USH2A: variants seen among roughly 807,000 people sequenced by gnomAD.
USH2A encodes the protein Usher syndrome 2A (autosomal recessive, mild).
A neutral mutation model predicts 538.9 loss-of-function variants in USH2A; 443 were observed. That is an observed-to-expected ratio of 0.82 (90% CI 0.76 to 0.89). USH2A has a LOEUF of 0.89. USH2A is among the 40% of genes least tolerant of loss of function. The pLI is 0.00. For missense variants in USH2A, 6,633 were observed against 6,324.8 expected (o/e 1.05, Z -1.65); for synonymous variants, 2,413 against 2,273.5 (o/e 1.06, Z -1.75).
rs1031475104 is a variant in USH2A, at chr1:216,263,598, T to C, written c.1972-12500A>G. ...CTTTATGCTAAAAACTGTCAGCAAA[T>C]TAGTATGGAAGAAATGTACCTCAAT... On this transcript the variant is annotated intron_variant, in intron 11 of 71. Transcript: ENST00000307340. 2.0e-5 allele frequency among the ~76,000 whole-genome samples: 3 copies of C among 152,040 alleles called. No homozygotes were observed. The East Asian group carries it at 5.8e-4, about 29-fold the overall frequency.
At chr1:215,700,861 G>A (rs1454639751) in intron 61 of USH2A, among the ~76,000 whole-genome samples, 2 of 152,080 alleles carry the variant, frequency 1.3e-5, no homozygotes, top group Non-Finnish European at 2.9e-5. Context: ...TTTTGAACTT[G>A]TTTGCTCTTG....
intron 31 of USH2A, 60 bp from the exon 32 acceptor site, chr1:216,046,652 C>G: frequency 2.5e-6 from 4 of 1,584,266 alleles, no homozygotes; most frequent in Non-Finnish European, 3.5e-6. Flanking sequence ...TCAAACTTTT[C>G]AGACCCAAAC....
chr1:215,960,498 G>A (rs898263548), intron 37 of USH2A, among the ~76,000 whole-genome samples: 1 of 152,088 alleles, frequency 6.6e-6, no homozygotes, highest in African/African-American at 2.4e-5. Context: ...CTATTCACCT[G>A]TGCAAGGTGA....
chr1:216,228,340 T>C (rs1572069450), intron 14 of USH2A, among the ~76,000 whole-genome samples: 1 of 151,770 alleles, frequency 6.6e-6, no homozygotes, highest in Admixed American at 6.6e-5. Flanking sequence ...AAAAATAGAA[T>C]CCCTCTGAAA....
rs560794676 is a variant in USH2A, at chr1:216,340,060, AAAAC to A, written c.785-12410_785-12407del. ...ATGAATCCAGGAGCTGTTTTTTTTG[AAAAC>A]AAACAAACAAACAAACAAAATAGAC... On this transcript the variant is annotated intron_variant, in intron 4 of 71. Transcript: ENST00000307340. Among the ~76,000 whole-genome samples, 14 of 151,958 alleles carry A rather than the reference AAAAC, an allele frequency of 9.2e-5. No homozygotes were observed. In the East Asian group the frequency reaches 9.7e-4, roughly 11 times the overall value.
intron 32 of USH2A, among the ~76,000 whole-genome samples, chr1:216,016,536 CCATGAAA>C (rs1479525555): frequency 1.3e-5 from 2 of 152,104 alleles, no homozygotes; most frequent in Non-Finnish European, 2.9e-5. Context: ...TTTGCATTAT[CCATGAAA>C]CATCTCCTGA....
intron 63 of USH2A, among the ~76,000 whole-genome samples, chr1:215,672,127 A>G (rs1328043788): frequency 6.6e-6 from 1 of 152,192 alleles, no homozygotes; most frequent in Non-Finnish European, 1.5e-5. Context: ...CTCCTTTCCA[A>G]CAAAATGAGT....
chr1:216,073,190 C>T lies in USH2A; in HGVS notation c.5683G>A (p.Asp1895Asn), dbSNP rs747398094. The change falls in exon 28 of 72, where the codon GAC becomes AAC. Residue 1895 changes from aspartate (D) to asparagine (N), a missense_variant. Asp to Asn is a conservative substitution (Grantham distance 23). Transcript: ENST00000307340. ...TTTCCCCTGCAGTTAACAGCACTGT[C>T]AGTTGATAGGCATCCATCCAGATTG... ...RVNLDGCLSTDSAVNCRGNDS... is the reference protein window; with the variant it reads ...RVNLDGCLSTNSAVNCRGNDS... 1.4e-5 allele frequency: 22 copies of T among 1,613,778 alleles called. No homozygotes were observed. The highest frequency in any genetic ancestry group is 1.7e-5 in the Non-Finnish European group (20 of 1,179,970).
intron 60 of USH2A, among the ~76,000 whole-genome samples, chr1:215,730,735 T>C (rs1330257154): frequency 6.6e-6 from 1 of 152,250 alleles, no homozygotes; most frequent in Non-Finnish European, 1.5e-5. Flanking sequence ...ACAAGCTTCA[T>C]GCTGGAAGCT....
chr1:216,344,903 C>G (rs1424348132), intron 4 of USH2A, among the ~76,000 whole-genome samples: 2 of 150,730 alleles, frequency 1.3e-5, no homozygotes, highest in Non-Finnish European at 3.0e-5. Flanking sequence ...AACTGCTATT[C>G]TCGTTGGGTT....
intron 4 of USH2A, among the ~76,000 whole-genome samples, chr1:216,347,776 A>C (rs2038206906): frequency 6.6e-6 from 1 of 152,152 alleles, no homozygotes; most frequent in African/African-American, 2.4e-5. Context: ...TCATCCATAG[A>C]AAATTGTTGA....
intron 20 of USH2A, among the ~76,000 whole-genome samples, chr1:216,187,691 A>G (rs1281829295): frequency 1.3e-5 from 2 of 151,928 alleles, no homozygotes; most frequent in Non-Finnish European, 2.9e-5. Flanking sequence ...GTGACTAACA[A>G]AAGTCTTCTA....
At chr1:215,912,513 G>GTATATA (rs1491347480) in intron 38 of USH2A, among the ~76,000 whole-genome samples, 1 of 16,960 alleles carries the variant, frequency 5.9e-5, no homozygotes, top group African/African-American at 2.3e-4. Flanking sequence ...ATATATATAC[G>GTATATA]TGTATATATA....
intron 60 of USH2A, among the ~76,000 whole-genome samples, chr1:215,740,169 C>T (rs937963729): frequency 3.3e-5 from 5 of 152,034 alleles, no homozygotes; most frequent in Non-Finnish European, 7.4e-5. Flanking sequence ...TATTTTTTCT[C>T]TTCTTCTCTC....
intron 35 of USH2A, among the ~76,000 whole-genome samples, chr1:215,983,504 T>C (rs796708533): frequency 5.3e-5 from 8 of 152,312 alleles, no homozygotes; most frequent in African/African-American, 1.9e-4. Context: ...AAGATGTCTA[T>C]TGTATTGAAA....
chr1:216,389,881 C>A (rs1029396630), intron 3 of USH2A, among the ~76,000 whole-genome samples: 41 of 152,182 alleles, frequency 2.7e-4, no homozygotes, highest in African/African-American at 9.4e-4. Flanking sequence ...TATAGCCATG[C>A]ATTTCTACTA....
intron 37 of USH2A, among the ~76,000 whole-genome samples, chr1:215,947,084 C>T (rs1257332364): frequency 2.0e-5 from 3 of 151,016 alleles, no homozygotes; most frequent in South Asian, 4.2e-4. Flanking sequence ...CTCTGTCGCC[C>T]AGACTGGAGT....
At chr1:215,740,264 TA>T (rs1558077003) in intron 60 of USH2A, among the ~76,000 whole-genome samples, 1 of 152,178 alleles carries the variant, frequency 6.6e-6, no homozygotes, top group Non-Finnish European at 1.5e-5. Flanking sequence ...TACATTAATT[TA>T]AAGCAATGTT....
At chr1:216,094,858 C>A (rs1035523845) in intron 22 of USH2A, among the ~76,000 whole-genome samples, 8 of 152,040 alleles carry the variant, frequency 5.3e-5, no homozygotes, top group Non-Finnish European at 1.2e-4. Flanking sequence ...AATTAACTTA[C>A]CTGTGGCCCA....
Sources: allele counts gnomAD v4.1 joint callset (sites outside exome capture counted in the v4.1 genomes callset), GRCh38; gene constraint gnomAD v4.1.1; transcripts MANE v1.5; gene names NCBI Gene and HGNC (gene_info 2026-07-23, HGNC 2026-07-21).